Variants in CNTNAP5 observed in about 807,000 individuals in gnomAD.
CNTNAP5 encodes the protein contactin-associated protein-like 5.
A neutral mutation model predicts 150.2 loss-of-function variants in CNTNAP5; 72 were observed. That is an observed-to-expected ratio of 0.48 (90% confidence interval 0.40 to 0.58). CNTNAP5 has a LOEUF of 0.58. Among genes scored for constraint, CNTNAP5 ranks in the 20% least tolerant of loss-of-function variants. The pLI is 0.00. For synonymous variants in CNTNAP5, 672 were observed against 619.8 expected (o/e 1.08, Z -1.25); for missense variants, 1,636 against 1,626.2 (o/e 1.01, Z -0.10).
intron 13 of CNTNAP5, among the ~76,000 whole-genome samples, chr2:124,714,447 C>T (rs1679904305): frequency 1.3e-5 from 2 of 152,028 alleles, no homozygotes; most frequent in Admixed American, 1.3e-4. Context: ...AAAACTAGCC[C>T]TTCAGTTTTG....
At chr2:124,793,288 T>C (rs1000086934) in intron 18 of CNTNAP5, among the ~76,000 whole-genome samples, 2 of 152,216 alleles carry the variant, frequency 1.3e-5, no homozygotes, top group Non-Finnish European at 2.9e-5. Flanking sequence ...TGACTAATGA[T>C]ATTGGATATC....
At chr2:124,606,115 T>A (rs1033577690) in intron 11 of CNTNAP5, among the ~76,000 whole-genome samples, 1 of 152,092 alleles carries the variant, frequency 6.6e-6, no homozygotes, top group Admixed American at 6.6e-5. Flanking sequence ...AATATGACAA[T>A]TTTAAATTTC....
In CNTNAP5 at chr2:124,690,101, G is replaced by C. The variant is rs1679271255; in HGVS notation, c.2077+42143G>C. 4.6e-5 allele frequency among the ~76,000 whole-genome samples: 7 copies of C among 151,818 alleles called. 1 individual carries two copies. In the South Asian group the frequency reaches 1.5e-3, roughly 32 times the overall value. On this transcript the variant is annotated intron_variant, in intron 13 of 23. Coordinates refer to ENST00000682447, the MANE Select transcript of CNTNAP5 (RefSeq NM_001367498.1). ...GGATGCTTTAAAAACCTTATGTTAA[G>C]CACCAGTATGAATTCTCACTTGGAG...
At chr2:124,586,509 A>G (rs1330866022) in intron 11 of CNTNAP5, among the ~76,000 whole-genome samples, 1 of 152,218 alleles carries the variant, frequency 6.6e-6, no homozygotes, top group African/African-American at 2.4e-5. Flanking sequence ...TTTTATGTAT[A>G]AAATGAAGAA....
chr2:124,398,677 C>A (rs1313449031), intron 3 of CNTNAP5, among the ~76,000 whole-genome samples: 2 of 152,014 alleles, frequency 1.3e-5, no homozygotes, highest in East Asian at 3.9e-4. Flanking sequence ...TGTATTTTTT[C>A]TCCATGTTGG....
At chr2:124,124,916 C>T (rs1256061457) in intron 1 of CNTNAP5, among the ~76,000 whole-genome samples, 1 of 152,060 alleles carries the variant, frequency 6.6e-6, no homozygotes, top group African/African-American at 2.4e-5. Flanking sequence ...GAAGGAAGCA[C>T]TAAACATAGA....
At chr2:124,363,470 G>T (rs1690274188) in intron 3 of CNTNAP5, among the ~76,000 whole-genome samples, 3 of 152,056 alleles carry the variant, frequency 2.0e-5, no homozygotes, top group South Asian at 4.1e-4. Flanking sequence ...AAATCCCAGT[G>T]GATTGCACTT....
At chr2:124,893,652 G>A (rs1371121057) in intron 21 of CNTNAP5, among the ~76,000 whole-genome samples, 1 of 152,054 alleles carries the variant, frequency 6.6e-6, no homozygotes, top group East Asian at 1.9e-4. Flanking sequence ...CCTGCTACAG[G>A]TTAGAATCAG....
intron 19 of CNTNAP5, among the ~76,000 whole-genome samples, chr2:124,859,185 C>T (rs1169425654): frequency 6.6e-6 from 1 of 152,084 alleles, no homozygotes; most frequent in Non-Finnish European, 1.5e-5. Context: ...TATCCAGAAT[C>T]TACAATGAAC....
At chr2:124,549,033 C>T (rs973753991) in intron 10 of CNTNAP5, among the ~76,000 whole-genome samples, 1 of 152,338 alleles carries the variant, frequency 6.6e-6, no homozygotes, top group African/African-American at 2.4e-5. Flanking sequence ...CCTCCATGCT[C>T]AGACATGGTA....
intron 11 of CNTNAP5, among the ~76,000 whole-genome samples, chr2:124,594,011 A>G (rs200601578): frequency 0.11 from 7,989 of 70,574 alleles, 193 homozygotes; most frequent in East Asian, 0.3. Context: ...AATTTGTTTG[A>G]GTTCATTGTA....
At chr2:124,846,730 G>C (rs1483555534) in intron 19 of CNTNAP5, among the ~76,000 whole-genome samples, 1 of 152,140 alleles carries the variant, frequency 6.6e-6, no homozygotes, top group Non-Finnish European at 1.5e-5. Context: ...GGGATTCAAG[G>C]GCTAGTGTTA....
rs568841656 is a variant in CNTNAP5 at position 124,083,328 on chromosome 2, G to A, written c.82+57596G>A. 5.9e-5 allele frequency among the ~76,000 whole-genome samples: 9 copies of A among 152,080 alleles called. No homozygotes were observed. The East Asian group carries it at 1.4e-3, about 23-fold the overall frequency. On this transcript the variant is annotated intron_variant, in intron 1 of 23. Transcript: ENST00000682447. ...GACTGTGCCACTGCACTCCAGCCCT[G>A]GGCAACAGAGTAAGAGTGAGAGTCC...
At chr2:124,690,879 A>G (rs888696953) in intron 13 of CNTNAP5, among the ~76,000 whole-genome samples, 1 of 152,118 alleles carries the variant, frequency 6.6e-6, no homozygotes, top group East Asian at 1.9e-4. Flanking sequence ...TGTAAAATTT[A>G]TCATGTTGCT....
chr2:124,714,215 G>A (rs1679898382), intron 13 of CNTNAP5, among the ~76,000 whole-genome samples: 1 of 146,464 alleles, frequency 6.8e-6, no homozygotes, highest in Non-Finnish European at 1.5e-5. Context: ...AACAGTCATT[G>A]TGATTTTTTT....
At chr2:124,678,150 C>T (rs1023198534) in intron 13 of CNTNAP5, among the ~76,000 whole-genome samples, 2 of 151,792 alleles carry the variant, frequency 1.3e-5, no homozygotes, top group African/African-American at 4.8e-5. Flanking sequence ...GTGCACATGC[C>T]TGGGGTCCAG....
At chr2:124,094,675 G>C (rs1434202389) in intron 1 of CNTNAP5, among the ~76,000 whole-genome samples, 1 of 152,110 alleles carries the variant, frequency 6.6e-6, no homozygotes, top group Non-Finnish European at 1.5e-5. Context: ...GTTGAGGAAG[G>C]GGTACTTTTT....
intron 16 of CNTNAP5, among the ~76,000 whole-genome samples, chr2:124,765,696 C>A (rs770445746): frequency 1.7e-4 from 26 of 152,256 alleles, no homozygotes; most frequent in Middle Eastern, 3.4e-3. Context: ...TGGCTCACAC[C>A]TGTAATCCTA....
At position 124,146,131 on chromosome 2, in the gene CNTNAP5, G is replaced by C. The variant is rs374786804; in HGVS notation, c.83-75574G>C. 2.5e-3 allele frequency among the ~76,000 whole-genome samples: 383 copies of C among 152,220 alleles called. 5 individuals are homozygous for C. In the South Asian group the frequency reaches 0.03, roughly 12 times the overall value. The stretch of plus-strand genomic sequence containing the variant: ...GAGATGGAGGCACAGAGAGGAGCAG[G>C]CAGGTGTTTGAGGCCAGGAGCTGGC... On this transcript the variant is annotated intron_variant, in intron 1 of 23. Coordinates refer to ENST00000682447, the MANE Select transcript of CNTNAP5 (RefSeq NM_001367498.1).
Sources: allele counts gnomAD v4.1 joint callset (sites outside exome capture counted in the v4.1 genomes callset), GRCh38; gene constraint gnomAD v4.1.1; transcripts MANE v1.5; gene names NCBI Gene and HGNC (gene_info 2026-07-23, HGNC 2026-07-21).